The following HERC1 variants were observed in gnomAD, a reference collection of about 807,000 sequenced individuals.
HERC1 encodes the protein HECT and RLD domain containing E3 ubiquitin protein ligase family member 1, also known as probable E3 ubiquitin-protein ligase HERC1.
Under a neutral mutation model 554.3 loss-of-function variants are expected in HERC1, and 160 were observed. That is an observed-to-expected ratio of 0.29 (90% confidence interval 0.25 to 0.33). HERC1 has a LOEUF of 0.33. HERC1 is among the 10% of genes least tolerant of loss of function. The pLI is 1.00. For synonymous variants in HERC1, 2,175 were observed against 2,131.7 expected (o/e 1.02, Z -0.56); for missense variants, 4,919 against 5,918.5 (o/e 0.83, Z 5.54).
rs1374913066 is a variant in HERC1 at position 63,742,845 on chromosome 15, T to G, written c.2520+4073A>C. 2.0e-5 allele frequency among the ~76,000 whole-genome samples: 3 copies of G among 152,240 alleles called. No homozygotes were observed. The East Asian group carries it at 5.8e-4, about 29-fold the overall frequency. On this transcript the variant is annotated intron_variant, in intron 12 of 77. Coordinates refer to ENST00000443617, the MANE Select transcript of HERC1 (RefSeq NM_003922.4). ...CAATCTTTTAGGTAAGTTGCTGGAT[T>G]TGGTTTGTTAGTAGTTTGTTGAGAA...
At chr15:63,726,805 AAG>A (rs2074060322) in intron 17 of HERC1, among the ~76,000 whole-genome samples, 2 of 152,214 alleles carry the variant, frequency 1.3e-5, no homozygotes, top group African/African-American at 4.8e-5. Context: ...ACAGGAATAA[AAG>A]AAAGTTCCGC....
intron 8 of HERC1, among the ~76,000 whole-genome samples, chr15:63,750,662 T>A (rs2075206674): frequency 6.6e-6 from 1 of 152,208 alleles, no homozygotes; most frequent in African/African-American, 2.4e-5. Context: ...CCGGATGTAG[T>A]GGCTTAAGCC....
Position 63,622,820 on chromosome 15 carries a change from C to T in HERC1, c.13683G>A (p.Arg4561=). The part of the protein sequence containing the change: ...PNATAEVGYN[R]DRFLFNPSAC... The stretch of plus-strand genomic sequence containing the variant: ...ACACTTGCTGACTGCCATACCTGTC[C>T]CTATTGTAACCCACTTCTGCGGTGG... Residue 4561 remains arginine (R), a synonymous_variant, in exon 74 of 78, where the codon AGG becomes AGA. Transcript: ENST00000443617. 3.1e-6 allele frequency: 5 copies of T among 1,601,328 alleles called. No homozygotes were observed. The highest frequency in any genetic ancestry group is 2.3e-5 in the South Asian group (2 of 88,070).
In HERC1 at chr15:63,716,453, A is replaced by C. The variant is rs2073559887; in HGVS notation, c.3999T>G (p.Ser1333=). The C allele has an allele frequency of 6.2e-7, 1 of 1,612,074 alleles. No homozygotes were observed. Among genetic ancestry groups the C allele is most frequent in the East Asian group, 2.2e-5 (1 of 44,776 alleles). ...RDRWISENQD[S]ADVDPQEHSF... is the part of the protein sequence containing the mutation. ...AATGCTCCTGAGGATCAACATCTGC[A>C]GAGTCCTGGTTTTCTGATATCTTAA... The change falls in exon 22 of 78, where the codon TCT becomes TCG. Residue 1333 remains serine, a synonymous_variant. Transcript: ENST00000443617.
intron 38 of HERC1, among the ~76,000 whole-genome samples, chr15:63,674,009 G>C (rs2071070538): frequency 1.3e-5 from 2 of 152,204 alleles, no homozygotes. Context: ...ACAGGCATGA[G>C]CCACCATGCT....
chr15:63,670,718 G>A (rs1407272621), intron 39 of HERC1, among the ~76,000 whole-genome samples: 2 of 152,060 alleles, frequency 1.3e-5, no homozygotes, highest in Non-Finnish European at 2.9e-5. Flanking sequence ...TTGTGTGGAC[G>A]CCTTGAATTC....
At chr15:63,664,702 A>G in intron 42 of HERC1, 108 bp from the exon 43 acceptor site, 2 of 919,688 alleles carry the variant, frequency 2.2e-6, no homozygotes, top group Non-Finnish European at 3.2e-6. Flanking sequence ...TGAGAATAAA[A>G]TATGTTTATG....
At chr15:63,621,175 T>G (rs1219033926) in intron 74 of HERC1, among the ~76,000 whole-genome samples, 1 of 152,248 alleles carries the variant, frequency 6.6e-6, no homozygotes, top group East Asian at 1.9e-4. Flanking sequence ...AGGAGCTCTT[T>G]TAGGGCAGGC....
chr15:63,780,326 T>C (rs959615412), intron 1 of HERC1: 2 of 152,168 alleles, frequency 1.3e-5, no homozygotes, highest in African/African-American at 2.4e-5. Context: ...TAAATCCATA[T>C]ATTTTCCAAA....
intron 1 of HERC1, among the ~76,000 whole-genome samples, chr15:63,821,590 G>A (rs2077696195): frequency 6.7e-6 from 1 of 149,906 alleles, no homozygotes; most frequent in African/African-American, 2.5e-5. Flanking sequence ...GCAGGGTGTG[G>A]TTGTGCACGC....
At chr15:63,637,248 A>C (rs2068823045) in intron 64 of HERC1, 1 of 540,682 alleles carries the variant, frequency 1.8e-6, no homozygotes, top group Non-Finnish European at 3.4e-6. Context: ...ATTTTTAAGC[A>C]TTTGTTTACA....
chr15:63,754,751 G>A, intron 6 of HERC1, 103 bp from the exon 7 acceptor site: 1 of 1,186,058 alleles, frequency 8.4e-7, no homozygotes, highest in Non-Finnish European at 1.2e-6. Context: ...AAATAGAATT[G>A]AGATTTTTTT....
At chr15:63,691,538 A>T (rs72750981) in intron 31 of HERC1, among the ~76,000 whole-genome samples, 27,873 of 152,126 alleles carry the variant, frequency 0.18, 2,807 homozygotes, top group Non-Finnish European at 0.22. Context: ...ATAAATATGT[A>T]ATTAAAAAAT....
At chr15:63,744,160 GTGTGTCTC>G (rs1436112283) in intron 12 of HERC1, among the ~76,000 whole-genome samples, 469 of 38,642 alleles carry the variant, frequency 0.012, no homozygotes, top group Non-Finnish European at 0.025. Flanking sequence ...GTGTGTGTGT[GTGTGTCTC>G]TCTCTCTCTC....
intron 34 of HERC1, among the ~76,000 whole-genome samples, chr15:63,685,354 C>T (rs2071694633): frequency 6.6e-6 from 1 of 152,314 alleles, no homozygotes; most frequent in African/African-American, 2.4e-5. Flanking sequence ...ACCTGTGCTG[C>T]CTATTATATG....
In HERC1 at chr15:63,640,410, G is replaced by T; in HGVS notation, c.11643C>A (p.Ser3881Arg). 7 of 1,613,716 alleles carry T rather than the reference G, an allele frequency of 4.3e-6. No individual in the cohort carries two copies. The highest frequency in any genetic ancestry group is 5.9e-6 in the Non-Finnish European group (7 of 1,179,738). The part of the protein sequence containing the change: ...HVVCGDQLVH[S>R]PYMQCLASLA... ...GGGAAGCCAAGCATTGCATATAGGG[G>T]CTATGAACAAGTTGGTCACCACAAA... is the stretch of plus-strand genomic sequence containing the variant. Residue 3881 changes from serine (S) to arginine (R), a missense_variant, in exon 61 of 78, where the codon AGC becomes AGA. Transcript: ENST00000443617.
chr15:63,757,880 T>C (rs1011944247), intron 4 of HERC1, among the ~76,000 whole-genome samples: 4 of 151,900 alleles, frequency 2.6e-5, no homozygotes, highest in Admixed American at 2.6e-4. Flanking sequence ...TGGCTAATTT[T>C]TGTATTTTTA....
intron 48 of HERC1, among the ~76,000 whole-genome samples, chr15:63,657,718 ATTC>A (rs1410435216): frequency 7.2e-5 from 11 of 152,138 alleles, no homozygotes; most frequent in African/African-American, 2.7e-4. Flanking sequence ...CCAAGAAGCA[ATTC>A]TTCTATGTTA....
intron 73 of HERC1, among the ~76,000 whole-genome samples, chr15:63,623,364 G>A (rs901172669): frequency 6.6e-5 from 10 of 152,212 alleles, no homozygotes; most frequent in Non-Finnish European, 1.3e-4. Context: ...GAATCTGGCA[G>A]TTCTACTTTG....
Sources: allele counts gnomAD v4.1 joint callset (sites outside exome capture counted in the v4.1 genomes callset), GRCh38; gene constraint gnomAD v4.1.1; transcripts MANE v1.5; gene names NCBI Gene and HGNC (gene_info 2026-07-23, HGNC 2026-07-21).